The following RNASEH2B variants were observed in gnomAD, a reference collection of about 807,000 sequenced individuals.
RNASEH2B encodes the protein ribonuclease H2 subunit B.
A neutral mutation model predicts 45.0 loss-of-function variants in RNASEH2B; 36 were observed. The observed-to-expected ratio is 0.80, with a 90% confidence interval of 0.61 to 1.06. The LOEUF is 1.06. Ranked by LOEUF, RNASEH2B falls within the 50% of genes least tolerant of loss-of-function variation. RNASEH2B has a pLI of 0.00. For synonymous variants in RNASEH2B, 119 were observed against 125.7 expected, an observed-to-expected ratio of 0.95 and a Z score of 0.35; for missense variants, 361 against 360.3, an observed-to-expected ratio of 1.00 and a Z score of -0.02.
intron 1 of RNASEH2B, among the ~76,000 whole-genome samples, chr13:50,919,795 A>T (rs1951493342): frequency 6.6e-6 from 1 of 152,212 alleles, no homozygotes; most frequent in Non-Finnish European, 1.5e-5. Flanking sequence ...CAGGTTTTTC[A>T]TCCAAAAAAG....
At chr13:50,949,855 C>T (rs886215243) in intron 9 of RNASEH2B, 1 of 185,984 alleles carries the variant, frequency 5.4e-6, no homozygotes, top group African/African-American at 2.3e-5. Flanking sequence ...ATAACTAAAA[C>T]TCATTTTGCC....
chr13:50,930,367 C>A (rs1411444798), intron 3 of RNASEH2B, among the ~76,000 whole-genome samples: 1 of 152,156 alleles, frequency 6.6e-6, no homozygotes, highest in Non-Finnish European at 1.5e-5. Context: ...TTCCTCCTAA[C>A]CCCTCGTTTT....
intron 3 of RNASEH2B, 59 bp from the exon 4 acceptor site, chr13:50,930,624 A>C: frequency 8.2e-7 from 1 of 1,217,982 alleles, no homozygotes; most frequent in South Asian, 1.2e-5. Flanking sequence ...ATTAAGGTGA[A>C]ATAGCCACAT....
At chr13:50,933,574 A>G (rs954994076) in intron 4 of RNASEH2B, among the ~76,000 whole-genome samples, 4 of 152,230 alleles carry the variant, frequency 2.6e-5, no homozygotes, top group African/African-American at 9.6e-5. Flanking sequence ...ACTTTATTTT[A>G]ACATCAGTAA....
Position 50,970,273 on chromosome 13 carries a change from G to A in RNASEH2B, c.*309G>A, listed in dbSNP as rs150233508. 0.012 allele frequency: 6,174 copies of A among 519,882 alleles called. 47 individuals carry two copies. Among genetic ancestry groups the A allele is most frequent in the Non-Finnish European group, 0.016 (4,782 of 300,420 alleles). The allele number at this position is 519,882 out of a possible 1,614,324, so 32.2% of individuals were successfully genotyped here. A position where few individuals can be genotyped will look rare whatever the true frequency, so the allele number is the denominator to read the frequency against. On this transcript the variant is annotated 3_prime_UTR_variant, in exon 10 of 10. Transcript: ENST00000422660. ...CCAGCATGTTTTAGGTATGGATGTG[G>A]TGACTTAAAGTACTTGATTGTCTTG... is the stretch of plus-strand genomic sequence containing the variant.
At chr13:50,945,757 T>C (rs1466055134) in intron 7 of RNASEH2B, among the ~76,000 whole-genome samples, 1 of 152,198 alleles carries the variant, frequency 6.6e-6, no homozygotes, top group Non-Finnish European at 1.5e-5. Flanking sequence ...ATTCAGCAAA[T>C]ATTTCTTTTA....
chr13:50,920,703 A>T (rs1951513417), intron 1 of RNASEH2B, among the ~76,000 whole-genome samples: 1 of 152,214 alleles, frequency 6.6e-6, no homozygotes, highest in Non-Finnish European at 1.5e-5. Context: ...ATAGTTTTGG[A>T]AGAAGGTGTC....
At chr13:50,944,468 A>G (rs7335206) in intron 6 of RNASEH2B, among the ~76,000 whole-genome samples, 61,609 of 151,644 alleles carry the variant, frequency 0.41, 13,929 homozygotes, top group African/African-American at 0.61. Flanking sequence ...TAGGGGCAAG[A>G]GGAGGGAGAG....
chr13:50,956,188 T>A lies in RNASEH2B; in HGVS notation c.823-170T>A, dbSNP rs185222791. 23 of 591,150 alleles carry A rather than the reference T, an allele frequency of 3.9e-5. No individual in the cohort carries two copies. The African/African-American group carries it at 4.0e-4, about 10-fold the overall frequency. 36.6% of individuals were successfully genotyped at this position (591,150 alleles called of 1,614,324 possible). On this transcript the variant is annotated intron_variant, in intron 10 of 10. Transcript: ENST00000336617. Reference sequence around the variant, plus strand: ...CTTTTAACATATTCTGTCTCTTAGGTCTGAATTCTGAATAGAAATCAGAAC... The same window carrying A: ...CTTTTAACATATTCTGTCTCTTAGGACTGAATTCTGAATAGAAATCAGAAC...
rs1370951070 is a variant in RNASEH2B at position 50,956,557 on chromosome 13, G to T, written c.*83G>T. ...TTCCTGACTGTTAATGACTACCTTT[G>T]GTTGGGGGAAGGAAGAGGCCAATTT... is the stretch of plus-strand genomic sequence containing the variant. On this transcript the variant is annotated 3_prime_UTR_variant, in exon 11 of 11. Transcript: ENST00000336617. The T allele has an allele frequency of 1.9e-6, 3 of 1,538,626 alleles. No individual in the cohort carries two copies. The highest frequency in any genetic ancestry group is 1.4e-5 in the African/African-American group (1 of 72,674).
intron 10 of RNASEH2B, 157 bp downstream of exon 10, chr13:50,954,142 TG>T: frequency 1.5e-6 from 1 of 682,004 alleles, no homozygotes; most frequent in Non-Finnish European, 2.7e-6. Context: ...GAATTGCATA[TG>T]ACAATGAAAA....
At chr13:50,923,305 A>G (rs939848815) in intron 1 of RNASEH2B, among the ~76,000 whole-genome samples, 1 of 152,232 alleles carries the variant, frequency 6.6e-6, no homozygotes, top group Non-Finnish European at 1.5e-5. Flanking sequence ...GATTTAAAAA[A>G]ATACTTGTCT....
At chr13:50,944,840 C>T (rs773955930) in intron 6 of RNASEH2B, among the ~76,000 whole-genome samples, 67 of 152,098 alleles carry the variant, frequency 4.4e-4, no homozygotes, top group African/African-American at 1.5e-3. Flanking sequence ...AGAATAAATG[C>T]GGAGCAGAAT....
chr13:50,937,327 T>C (rs1163747721), intron 5 of RNASEH2B: 2 of 152,286 alleles, frequency 1.3e-5, no homozygotes, highest in East Asian at 3.9e-4. Flanking sequence ...GCTCAAGCAA[T>C]CTTCCTACCT....
intron 5 of RNASEH2B, chr13:50,941,243 C>T (rs1277277252): frequency 6.6e-6 from 1 of 152,126 alleles, no homozygotes; most frequent in Non-Finnish European, 1.5e-5. Flanking sequence ...ATTTCATGCT[C>T]AGAATAGCCC....
In RNASEH2B at chr13:50,910,069, C is replaced by A; in HGVS notation, c.-8C>A. 1 of 1,461,660 alleles carries A rather than the reference C, an allele frequency of 6.8e-7. No individual in the cohort carries two copies. The highest frequency in any genetic ancestry group is 9.0e-7 in the Non-Finnish European group (1 of 1,111,476). 90.5% of individuals were successfully genotyped at this position (1,461,660 alleles called of 1,614,324 possible). A position where few individuals can be genotyped will look rare whatever the true frequency, so the allele number is the denominator to read the frequency against. ...TGAGCCTGCGGCGCCCCGGAAGAGGCGGGCGGCATGGCCGCTGGCGTGGAC... is the reference window on the plus strand; with the variant it reads ...TGAGCCTGCGGCGCCCCGGAAGAGGAGGGCGGCATGGCCGCTGGCGTGGAC... On this transcript the variant is annotated 5_prime_UTR_variant, in exon 1 of 11. Transcript: ENST00000336617.
At chr13:50,936,360 C>G (rs539794573) in intron 5 of RNASEH2B, 1 of 152,208 alleles carries the variant, frequency 6.6e-6, no homozygotes, top group African/African-American at 2.4e-5. Context: ...CCAACTATGA[C>G]AGTTCTTCTG....
chr13:50,916,345 T>C (rs1474657779), intron 1 of RNASEH2B, among the ~76,000 whole-genome samples: 2 of 152,314 alleles, frequency 1.3e-5, no homozygotes, highest in African/African-American at 2.4e-5. Context: ...CTACATAAAA[T>C]TGGAGAAAGT....
rs937980132 is a variant in RNASEH2B, at chr13:50,910,056, G to A, written c.-21G>A. ...AGGCCCGCGGCGCTGAGCCTGCGGC[G>A]CCCCGGAAGAGGCGGGCGGCATGGC... is the stretch of plus-strand genomic sequence containing the variant. On this transcript the variant is annotated 5_prime_UTR_variant, in exon 1 of 11. Coordinates refer to ENST00000336617, the MANE Select transcript of RNASEH2B (RefSeq NM_024570.4). 8 of 1,464,224 alleles carry A rather than the reference G, an allele frequency of 5.5e-6. 1 individual carries two copies. The African/African-American group carries it at 8.9e-5, about 16-fold the overall frequency. The allele number at this position is 1,464,224 out of a possible 1,614,324, so 90.7% of individuals were successfully genotyped here. A position where few individuals can be genotyped will look rare whatever the true frequency, so the allele number is the denominator to read the frequency against.
Sources: gnomAD v4.1 joint callset for allele counts (sites outside exome capture counted in the v4.1 genomes callset) on GRCh38, gnomAD v4.1.1 for gene constraint, MANE v1.5 for transcripts, NCBI Gene and HGNC (gene_info 2026-07-23, HGNC 2026-07-21) for gene names.